DST: variants seen among roughly 807,000 people sequenced by gnomAD.
DST encodes dystonin, also known as bullous pemphigoid antigen.
In DST, 253 loss-of-function variants were observed where a neutral mutation model predicts 875.2. That is an observed-to-expected ratio of 0.29 (90% CI 0.26 to 0.32). The LOEUF (loss-of-function observed/expected upper bound fraction) is 0.32. Among genes scored for constraint, DST ranks in the 10% least tolerant of loss-of-function variants. DST has a pLI of 1.00. For missense variants in DST, 8,287 were observed against 9,111.6 expected, an observed-to-expected ratio of 0.91 and a Z score of 3.68; for synonymous variants, 3,124 against 3,197.1, an observed-to-expected ratio of 0.98 and a Z score of 0.77.
intron 56 of DST, 97 bp downstream of exon 56, chr6:56,562,041 G>A: frequency 3.0e-6 from 2 of 662,222 alleles, no homozygotes; most frequent in Non-Finnish European, 4.8e-6. Flanking sequence ...ATTCAGGCTT[G>A]AAATTTCAAT....
chr6:56,783,561 G>A (rs1462706885), intron 4 of DST, among the ~76,000 whole-genome samples: 2 of 151,680 alleles, frequency 1.3e-5, no homozygotes, highest in Non-Finnish European at 2.9e-5. Context: ...GCCTTTTTTT[G>A]TTTTCCATTT....
intron 5 of DST, among the ~76,000 whole-genome samples, chr6:56,705,752 T>A (rs1300194420): frequency 6.6e-6 from 1 of 152,230 alleles, no homozygotes; most frequent in Non-Finnish European, 1.5e-5. Context: ...ATATAAATAC[T>A]AAGCTTAGGC....
intron 85 of DST, among the ~76,000 whole-genome samples, chr6:56,491,026 G>A (rs935604292): frequency 3.9e-5 from 6 of 152,062 alleles, no homozygotes; most frequent in Non-Finnish European, 7.4e-5. Flanking sequence ...AAGAAATGCC[G>A]GCACTACACA....
chr6:56,913,348 T>C (rs185516163), intron 2 of DST, among the ~76,000 whole-genome samples: 18 of 152,370 alleles, frequency 1.2e-4, no homozygotes, highest in Admixed American at 9.1e-4. Context: ...GTTTGCCTAA[T>C]ACTTTGTAAG....
intron 4 of DST, among the ~76,000 whole-genome samples, chr6:56,817,437 A>T (rs545593230): frequency 2.6e-5 from 4 of 152,366 alleles, no homozygotes; most frequent in Admixed American, 6.5e-5. Flanking sequence ...ATGTTTGGAA[A>T]GCAATTTATG....
Position 56,504,161 on chromosome 6 carries a change from A to C in DST, c.19465-63T>G. ...ACATTTGAAATTGCTACAGTATTTC[A>C]AGTACTACAGAAAAATACAATCATA... On this transcript the variant is annotated intron_variant, in intron 77 of 103. Coordinates refer to ENST00000680361, the MANE Select transcript of DST (RefSeq NM_001374736.1). 7 of 1,000,090 alleles carry C rather than the reference A, an allele frequency of 7.0e-6. No individual in the cohort carries two copies. The South Asian group carries it at 1.1e-4, about 16-fold the overall frequency. The allele number at this position is 1,000,090 out of a possible 1,614,324, so 62.0% of individuals were successfully genotyped here.
intron 36 of DST, among the ~76,000 whole-genome samples, chr6:56,621,741 G>A (rs113163129): frequency 0.015 from 2,281 of 152,168 alleles, 49 homozygotes; most frequent in African/African-American, 0.051. Context: ...TAATATTCTA[G>A]TGTGTTAGTT....
intron 5 of DST, among the ~76,000 whole-genome samples, chr6:56,712,420 GGGTCAT>G (rs1191624281): frequency 1.3e-5 from 2 of 152,138 alleles, no homozygotes; most frequent in African/African-American, 2.4e-5. Flanking sequence ...GGGAAAGCAA[GGGTCAT>G]TATCACTTAA....
chr6:56,491,168 A>G (rs969768888), intron 85 of DST, among the ~76,000 whole-genome samples: 1 of 152,222 alleles, frequency 6.6e-6, no homozygotes, highest in African/African-American at 2.4e-5. Flanking sequence ...CTCCCATTCA[A>G]AATGGGGTCT....
In DST at chr6:56,605,136, T is replaced by C; in HGVS notation, c.9492A>G (p.Thr3164=). The change falls in exon 40 of 104, where the codon ACA becomes ACG. Residue 3164 remains threonine (T), a synonymous_variant. Coordinates refer to ENST00000680361, the MANE Select transcript of DST (RefSeq NM_001374736.1). ...CATCAGTGAATGACTCCTCAAAATG[T>C]GTATTCCCTTCCCACGATGTAATGT... ...TSDITSWEGN[T]HFEESFTDGP... The C allele has an allele frequency of 1.2e-6, 2 of 1,612,566 alleles. No individual in the cohort carries two copies. Among genetic ancestry groups the C allele is most frequent in the African/African-American group, 2.7e-5 (2 of 74,978 alleles).
At position 56,459,128 on chromosome 6, in the gene DST, G is replaced by C. The variant is rs749163618; in HGVS notation, c.23334C>G (p.Val7778=). The stretch of plus-strand genomic sequence containing the variant: ...GGGGTGTAGGTCTGTGTGTCTGGGG[G>C]ACAGTTTCCACATCTGAGCACACGG... ...IQSVCSDVET[V]PQTHRPTPRA... The change falls in exon 104 of 104, where the codon GTC becomes GTG. Residue 7778 remains valine (V), a synonymous_variant. Coordinates refer to ENST00000680361, the MANE Select transcript of DST (RefSeq NM_001374736.1). 5.9e-5 allele frequency: 95 copies of C among 1,613,368 alleles called. 1 individual carries two copies. In the East Asian group the frequency reaches 1.6e-3, roughly 27 times the overall value.
intron 5 of DST, among the ~76,000 whole-genome samples, chr6:56,727,329 T>C (rs753778769): frequency 2.6e-5 from 4 of 152,168 alleles, no homozygotes; most frequent in Non-Finnish European, 4.4e-5. Context: ...CCGGACCACG[T>C]TGGGCACATT....
chr6:56,459,591 G>T (rs2094216793), intron 103 of DST, among the ~76,000 whole-genome samples: 1 of 152,160 alleles, frequency 6.6e-6, no homozygotes, highest in Non-Finnish European at 1.5e-5. Context: ...TTTAAATTAT[G>T]CCTCCAGGGA....
chr6:56,553,743 T>C, intron 60 of DST, 88 bp from the exon 61 acceptor site: 1 of 1,256,998 alleles, frequency 8.0e-7, no homozygotes. Context: ...TCTGAATGAA[T>C]ATATAGAATT....
At chr6:56,884,534 TATTAGCAGTC>T (rs1242062620) in intron 3 of DST, among the ~76,000 whole-genome samples, 1 of 152,172 alleles carries the variant, frequency 6.6e-6, no homozygotes, top group African/African-American at 2.4e-5. Context: ...GTCTCTCATG[TATTAGCAGTC>T]ATTGATGATC....
chr6:56,594,269 A>C, intron 47 of DST, 76 bp from the exon 48 acceptor site: 4 of 1,232,740 alleles, frequency 3.2e-6, no homozygotes, highest in Non-Finnish European at 4.4e-6. Flanking sequence ...TGCCGCCTCA[A>C]GACTGACAGG....
chr6:56,567,314 A>C (rs1315296827), intron 55 of DST, among the ~76,000 whole-genome samples: 2 of 152,110 alleles, frequency 1.3e-5, no homozygotes, highest in African/African-American at 2.4e-5. Flanking sequence ...AAAATATCTG[A>C]ATCTTAACTT....
intron 4 of DST, among the ~76,000 whole-genome samples, chr6:56,838,950 A>G (rs184724523): frequency 0.016 from 2,429 of 152,306 alleles, 29 homozygotes; most frequent in Non-Finnish European, 0.028. Context: ...TAAGTTCCCA[A>G]TTTTAGCACA....
intron 36 of DST, among the ~76,000 whole-genome samples, chr6:56,617,753 C>G (rs540407640): frequency 6.6e-6 from 1 of 152,248 alleles, no homozygotes; most frequent in Middle Eastern, 3.4e-3. Flanking sequence ...ACAGATATAA[C>G]AGTATATCTA....
Sources: gnomAD v4.1 joint callset for allele counts (sites outside exome capture counted in the v4.1 genomes callset) on GRCh38, gnomAD v4.1.1 for gene constraint, MANE v1.5 for transcripts, NCBI Gene and HGNC (gene_info 2026-07-23, HGNC 2026-07-21) for gene names.